PPP1R13B: variants seen among roughly 807,000 people sequenced by gnomAD.
PPP1R13B encodes protein phosphatase 1 regulatory subunit 13B, also known as apoptosis-stimulating of p53 protein 1.
PPP1R13B carries 44 observed loss-of-function variants against 119.8 expected under a neutral mutation model. The observed-to-expected ratio is 0.37, with a 90% CI of 0.29 to 0.47. The LOEUF (loss-of-function observed/expected upper bound fraction) is 0.47. PPP1R13B is among the 20% of genes least tolerant of loss of function. The probability of loss-of-function intolerance (pLI) is 0.99; values close to 1 mark genes in which losing one functional copy is unlikely to be tolerated. For missense variants in PPP1R13B, 1,227 were observed against 1,413.5 expected, an observed-to-expected ratio of 0.87 and a Z score of 2.12; for synonymous variants, 542 against 561.5, an observed-to-expected ratio of 0.97 and a Z score of 0.49.
chr14:103,780,809 T>TAAAA (rs202112499), intron 3 of PPP1R13B, among the ~76,000 whole-genome samples: 1 of 126,280 alleles, frequency 7.9e-6, no homozygotes, highest in Non-Finnish European at 1.7e-5. Flanking sequence ...ACTCTGTCTC[T>TAAAA]AAAAAAAAAA....
intron 1 of PPP1R13B, among the ~76,000 whole-genome samples, chr14:103,810,927 A>T (rs1328569428): frequency 3.0e-5 from 2 of 66,478 alleles, no homozygotes; most frequent in Non-Finnish European, 7.5e-5. Flanking sequence ...CGTCTCTACT[A>T]AAAAAAAAAA....
intron 4 of PPP1R13B, among the ~76,000 whole-genome samples, chr14:103,770,233 G>A (rs2085035070): frequency 6.6e-6 from 1 of 152,066 alleles, no homozygotes; most frequent in African/African-American, 2.4e-5. Flanking sequence ...ATTCACATAA[G>A]GCCCAGGTGG....
chr14:103,804,357 T>G (rs1432624994), intron 1 of PPP1R13B, among the ~76,000 whole-genome samples: 1 of 152,216 alleles, frequency 6.6e-6, no homozygotes. Flanking sequence ...ACAAACTTGG[T>G]ATTTAAACTA....
intron 1 of PPP1R13B, among the ~76,000 whole-genome samples, chr14:103,818,304 A>G (rs1274347321): frequency 6.6e-6 from 1 of 152,186 alleles, no homozygotes; most frequent in Non-Finnish European, 1.5e-5. Context: ...GAGCCCTTAT[A>G]AAACCCATCT....
chr14:103,785,305 C>A (rs1362759283), intron 2 of PPP1R13B, among the ~76,000 whole-genome samples: 1 of 152,086 alleles, frequency 6.6e-6, no homozygotes, highest in African/African-American at 2.4e-5. Context: ...CCGCAACCTC[C>A]GCTTCTGGGT....
At chr14:103,784,096 C>T (rs2085395450) in intron 3 of PPP1R13B, among the ~76,000 whole-genome samples, 3 of 152,014 alleles carry the variant, frequency 2.0e-5, no homozygotes, top group Admixed American at 2.0e-4. Flanking sequence ...GAATCGCTTG[C>T]ACCCAGGAGG....
intron 7 of PPP1R13B, among the ~76,000 whole-genome samples, chr14:103,751,972 G>C (rs2084559393): frequency 6.6e-6 from 1 of 152,132 alleles, no homozygotes; most frequent in Admixed American, 6.5e-5. Flanking sequence ...TCTGCTAATT[G>C]AATTATTTTG....
rs1202769604 is a variant in PPP1R13B at position 103,735,039 on chromosome 14, A to G, written c.*115T>C. 2.6e-6 allele frequency: 3 copies of G among 1,167,918 alleles called. No individual in the cohort carries two copies. The highest frequency in any genetic ancestry group is 3.8e-6 in the Non-Finnish European group (3 of 784,726). The allele number at this position is 1,167,918 out of a possible 1,614,324, so 72.3% of individuals were successfully genotyped here. On this transcript the variant is annotated 3_prime_UTR_variant, in exon 17 of 17. Transcript: ENST00000202556. ...ATTCACATTGTGGACGCTGTCTGCT[A>G]AAGTGAGCACCATTAAGACCATTTT...
intron 1 of PPP1R13B, among the ~76,000 whole-genome samples, chr14:103,835,624 T>G (rs2086758108): frequency 6.6e-6 from 1 of 151,518 alleles, no homozygotes; most frequent in Non-Finnish European, 1.5e-5. Flanking sequence ...TTATTTTTTT[T>G]TTGAGACGGA....
chr14:103,742,691 G>A lies in PPP1R13B; in HGVS notation c.1283C>T (p.Pro428Leu), dbSNP rs753780496. ...GGGTCCCAGTGCTGAGAAGGGCACAGGCTGGCTGGAGACAGTGCCCTGCTT... is the reference window on the plus strand; with the variant it reads ...GGGTCCCAGTGCTGAGAAGGGCACAAGCTGGCTGGAGACAGTGCCCTGCTT... ...SVKQGTVSSQ[P>L]VPFSALGPTE... The change falls in exon 10 of 17, where the codon CCT (proline) becomes CTT (leucine). Residue 428 changes from proline to leucine, a missense_variant. Pro to Leu is a moderately conservative substitution (Grantham distance 98). Transcript: ENST00000202556. This position sits in a 1 kb window ranked among gnomAD's most constrained non-coding sequence, Gnocchi z 4.9. 1.2e-6 allele frequency: 2 copies of A among 1,614,028 alleles called. No homozygotes were observed. The highest frequency in any genetic ancestry group is 1.3e-5 in the African/African-American group (1 of 75,056).
intron 2 of PPP1R13B, among the ~76,000 whole-genome samples, chr14:103,793,731 A>T (rs1401052309): frequency 6.6e-6 from 1 of 152,212 alleles, no homozygotes; most frequent in East Asian, 1.9e-4. Flanking sequence ...AACAAAAGAT[A>T]AAAATGGAAG....
chr14:103,778,387 G>A (rs1174902885), intron 4 of PPP1R13B, among the ~76,000 whole-genome samples: 7 of 148,576 alleles, frequency 4.7e-5, no homozygotes, highest in East Asian at 2.0e-4. Context: ...TCAGCCTCCC[G>A]AGTAGCTGGG....
chr14:103,815,118 A>T (rs1284449586), intron 1 of PPP1R13B, among the ~76,000 whole-genome samples: 3 of 152,236 alleles, frequency 2.0e-5, no homozygotes, highest in Non-Finnish European at 4.4e-5. Context: ...AAAGGATTCA[A>T]ATGAATGCTA....
In PPP1R13B at chr14:103,734,880, A is replaced by G. The variant is rs1200450203; in HGVS notation, c.*274T>C. ...GGGGTTATGGGACTTCTTAATGGCA[A>G]GAGGGGTGGGTGTTTTGAAAGTGGG... On this transcript the variant is annotated 3_prime_UTR_variant, in exon 17 of 17. Coordinates refer to ENST00000202556, the MANE Select transcript of PPP1R13B (RefSeq NM_015316.3). The G allele has an allele frequency of 5.4e-6, 3 of 556,638 alleles. No individual in the cohort carries two copies. Among genetic ancestry groups the G allele is most frequent in the Non-Finnish European group, 1.0e-5 (3 of 296,844 alleles). 34.5% of individuals were successfully genotyped at this position (556,638 alleles called of 1,614,324 possible). A position where few individuals can be genotyped will look rare whatever the true frequency, so the allele number is the denominator to read the frequency against.
intron 4 of PPP1R13B, among the ~76,000 whole-genome samples, chr14:103,775,713 C>T (rs765577191): frequency 6.6e-6 from 1 of 152,220 alleles, no homozygotes; most frequent in African/African-American, 2.4e-5. Context: ...CTAGGCCCCA[C>T]TCCAGATTTA....
chr14:103,848,596 G>C (rs1323276836), upstream of PPP1R13B: 1 of 698,522 alleles, frequency 1.4e-6, no homozygotes, highest in Non-Finnish European at 1.8e-6. Context: ...GATGGCCCCA[G>C]ACACAGAAGG....
At chr14:103,831,306 CTTTT>C in intron 1 of PPP1R13B, among the ~76,000 whole-genome samples, 1 of 146,914 alleles carries the variant, frequency 6.8e-6, no homozygotes, top group South Asian at 2.2e-4. Flanking sequence ...CAACTTCATT[CTTTT>C]ACTTTTTTTT....
chr14:103,834,600 T>C (rs2152080344), intron 1 of PPP1R13B, among the ~76,000 whole-genome samples: 1 of 145,478 alleles, frequency 6.9e-6, no homozygotes, highest in African/African-American at 2.6e-5. Context: ...TTTTTTTTTT[T>C]TTTTTTTGAG....
chr14:103,838,031 A>G (rs1370158777), intron 1 of PPP1R13B, among the ~76,000 whole-genome samples: 1 of 152,200 alleles, frequency 6.6e-6, no homozygotes, highest in Non-Finnish European at 1.5e-5. Context: ...AGGCAGAAGA[A>G]TCGCTTGAAC....
Sources: allele counts gnomAD v4.1 joint callset (sites outside exome capture counted in the v4.1 genomes callset), GRCh38; gene constraint gnomAD v4.1.1; non-coding constraint Gnocchi (gnomAD v3.1); transcripts MANE v1.5; gene names NCBI Gene and HGNC (gene_info 2026-07-23, HGNC 2026-07-21).